ENTHD1: variants seen among roughly 807,000 people sequenced by gnomAD.
ENTHD1 encodes ENTH domain containing 1, also known as ENTH domain-containing protein 1.
In ENTHD1, 23 loss-of-function variants were observed where a neutral mutation model predicts 39.1. That is an observed-to-expected ratio of 0.59 (90% CI 0.42 to 0.83). The LOEUF is 0.83. Ranked by LOEUF, ENTHD1 falls within the 40% of genes least tolerant of loss-of-function variation. The pLI, the probability that ENTHD1 is intolerant of heterozygous loss-of-function variation, is 0.00. For missense variants in ENTHD1, 624 were observed against 705.4 expected (o/e 0.88, Z 1.31); for synonymous variants, 230 against 258.2 (o/e 0.89, Z 1.05).
At chr22:39,825,819 CCT>C (rs1276182634) in intron 4 of ENTHD1, among the ~76,000 whole-genome samples, 21 of 151,570 alleles carry the variant, frequency 1.4e-4, no homozygotes, top group African/African-American at 4.4e-4. Flanking sequence ...CCCTAAAAAT[CCT>C]CTGTGCTTTA....
At chr22:39,878,095 G>T (rs1174403774) in intron 2 of ENTHD1, among the ~76,000 whole-genome samples, 6 of 152,184 alleles carry the variant, frequency 3.9e-5, no homozygotes, top group Non-Finnish European at 1.5e-5. Flanking sequence ...ATGTAAGCAT[G>T]AGACAGAAAT....
chr22:39,886,853 C>T (rs959846048), intron 2 of ENTHD1, among the ~76,000 whole-genome samples: 8 of 151,990 alleles, frequency 5.3e-5, no homozygotes, highest in Non-Finnish European at 1.2e-4. Context: ...TTGAAGATTC[C>T]AGCCTGTGGA....
At chr22:39,787,166 T>C (rs968256883) in intron 5 of ENTHD1, among the ~76,000 whole-genome samples, 4 of 152,178 alleles carry the variant, frequency 2.6e-5, no homozygotes, top group African/African-American at 4.8e-5. Flanking sequence ...AGTAATCATT[T>C]TGGGGTGCCA....
chr22:39,835,752 A>G, intron 4 of ENTHD1, 88 bp downstream of exon 4: 1 of 918,902 alleles, frequency 1.1e-6, no homozygotes. Context: ...TCAGGCTTCT[A>G]ACCTACAGAA....
intron 5 of ENTHD1, among the ~76,000 whole-genome samples, chr22:39,793,937 A>G (rs2065525884): frequency 1.3e-5 from 2 of 152,112 alleles, no homozygotes; most frequent in African/African-American, 4.8e-5. Context: ...CACTTCGGCT[A>G]TTTGGACTCT....
chr22:39,828,834 A>C (rs2065845352), intron 4 of ENTHD1, among the ~76,000 whole-genome samples: 1 of 152,202 alleles, frequency 6.6e-6, no homozygotes, highest in Non-Finnish European at 1.5e-5. Flanking sequence ...GTCAGTCATA[A>C]ATTTAAAGTC....
intron 4 of ENTHD1, among the ~76,000 whole-genome samples, chr22:39,829,697 A>G (rs2146665436): frequency 6.6e-6 from 1 of 152,088 alleles, no homozygotes; most frequent in East Asian, 1.9e-4. Context: ...GGGCTGAGGC[A>G]GGACAATCAC....
intron 1 of ENTHD1, among the ~76,000 whole-genome samples, chr22:39,889,052 T>G (rs761171048): frequency 3.9e-5 from 6 of 152,196 alleles, no homozygotes; most frequent in Non-Finnish European, 8.8e-5. Context: ...CAAACAGCTG[T>G]ATATCAGTGG....
chr22:39,788,815 T>C (rs772564035), intron 5 of ENTHD1, among the ~76,000 whole-genome samples: 1 of 152,070 alleles, frequency 6.6e-6, no homozygotes, highest in Non-Finnish European at 1.5e-5. Context: ...AGCATCAACA[T>C]GGAGGAAAGA....
At chr22:39,887,378 T>A in intron 2 of ENTHD1, 22 bp downstream of exon 2, 1 of 1,571,916 alleles carries the variant, frequency 6.4e-7, no homozygotes, top group East Asian at 2.2e-5. Context: ...ACCCAGCTTA[T>A]ATAAACTTCT....
chr22:39,804,255 G>A (rs1359234958), intron 5 of ENTHD1, among the ~76,000 whole-genome samples: 2 of 152,052 alleles, frequency 1.3e-5, no homozygotes, highest in East Asian at 1.9e-4. Flanking sequence ...GGAGGTTGAA[G>A]TGGGAGGACT....
chr22:39,872,185 A>G (rs573378012), intron 2 of ENTHD1, among the ~76,000 whole-genome samples: 1 of 152,318 alleles, frequency 6.6e-6, no homozygotes, highest in African/African-American at 2.4e-5. Context: ...ACTGCCTCAT[A>G]TACCCCAAAT....
intron 3 of ENTHD1, among the ~76,000 whole-genome samples, chr22:39,857,421 C>G (rs1427594955): frequency 9.1e-6 from 1 of 109,484 alleles, no homozygotes; most frequent in Non-Finnish European, 1.7e-5. Context: ...CCAGCCTGGA[C>G]AGCAAGAGTG....
chr22:39,843,208 C>G (rs1409147559), intron 3 of ENTHD1, among the ~76,000 whole-genome samples: 1 of 152,096 alleles, frequency 6.6e-6, no homozygotes, highest in African/African-American at 2.4e-5. Context: ...TTGGAACCAA[C>G]CCAAATGTCC....
chr22:39,844,240 A>T (rs890710396), intron 3 of ENTHD1, among the ~76,000 whole-genome samples: 4 of 152,222 alleles, frequency 2.6e-5, no homozygotes, highest in Admixed American at 6.5e-5. Context: ...GTAGATTTTT[A>T]AAATTAAATT....
chr22:39,859,261 C>A (rs1419045377), intron 3 of ENTHD1, among the ~76,000 whole-genome samples: 1 of 152,162 alleles, frequency 6.6e-6, no homozygotes, highest in African/African-American at 2.4e-5. Context: ...GACCATGCAA[C>A]CTTTCTCTAT....
At chr22:39,772,360 C>T (rs926503568) in intron 5 of ENTHD1, among the ~76,000 whole-genome samples, 1 of 152,244 alleles carries the variant, frequency 6.6e-6, no homozygotes, top group South Asian at 2.1e-4. Flanking sequence ...CAGACTGGTA[C>T]CAGTCCGTGG....
At chr22:39,833,598 A>G (rs2065886598) in intron 4 of ENTHD1, among the ~76,000 whole-genome samples, 1 of 152,082 alleles carries the variant, frequency 6.6e-6, no homozygotes, top group South Asian at 2.1e-4. Context: ...GAATGGATAT[A>G]GCTGAGAATA....
chr22:39,748,306 A>C (rs1027501546), intron 6 of ENTHD1, among the ~76,000 whole-genome samples: 1 of 152,236 alleles, frequency 6.6e-6, no homozygotes, highest in Non-Finnish European at 1.5e-5. Context: ...AGTACTAAGA[A>C]AAGACTCTAG....
Sources: allele counts gnomAD v4.1 joint callset (sites outside exome capture counted in the v4.1 genomes callset), GRCh38; gene constraint gnomAD v4.1.1; transcripts MANE v1.5; gene names NCBI Gene and HGNC (gene_info 2026-07-23, HGNC 2026-07-21).